The following TBX15 variants were observed in gnomAD, a reference collection of about 807,000 sequenced individuals.
TBX15 encodes T-box transcription factor 15, also known as T-box transcription factor TBX15.
A neutral mutation model predicts 53.9 loss-of-function variants in TBX15; 18 were observed. The observed-to-expected ratio is 0.33, with a 90% CI of 0.23 to 0.49. The LOEUF is 0.49. TBX15 is among the 20% of genes least tolerant of loss of function. The pLI is 0.98. For synonymous variants in TBX15, 295 were observed against 278.0 expected (o/e 1.06, Z -0.61); for missense variants, 692 against 749.5 (o/e 0.92, Z 0.90).
At chr1:118,958,617 A>C (rs1175329480) in intron 1 of TBX15, among the ~76,000 whole-genome samples, 1 of 152,122 alleles carries the variant, frequency 6.6e-6, no homozygotes, top group Non-Finnish European at 1.5e-5. Context: ...CTACCCTAAC[A>C]AACACAGTCT....
At chr1:118,950,767 C>T (rs1412878521) in intron 1 of TBX15, among the ~76,000 whole-genome samples, 1 of 152,070 alleles carries the variant, frequency 6.6e-6, no homozygotes, top group Non-Finnish European at 1.5e-5. Flanking sequence ...TTTCAAAGAC[C>T]ATCACAAAAA....
chr1:118,908,920 TCACACACACA>T (rs113048062), intron 6 of TBX15, among the ~76,000 whole-genome samples: 2 of 149,260 alleles, frequency 1.3e-5, no homozygotes, highest in Non-Finnish European at 3.0e-5. Context: ...CACTCAACAT[TCACACACACA>T]CACACACACA....
intron 5 of TBX15, among the ~76,000 whole-genome samples, chr1:118,922,097 G>A (rs1486346026): frequency 1.3e-5 from 2 of 152,162 alleles, no homozygotes; most frequent in East Asian, 1.9e-4. Context: ...CGCAGCCAAA[G>A]GGAATGTTAA....
chr1:118,943,895 G>C (rs12138613), intron 1 of TBX15, among the ~76,000 whole-genome samples: 19,540 of 152,110 alleles, frequency 0.13, 1,785 homozygotes, highest in Non-Finnish European at 0.18. Flanking sequence ...AACATGCCCA[G>C]TGCCACCCAC....
intron 1 of TBX15, among the ~76,000 whole-genome samples, chr1:118,980,935 C>A (rs1171081250): frequency 6.6e-6 from 1 of 151,990 alleles, no homozygotes; most frequent in Non-Finnish European, 1.5e-5. Context: ...CTGGTTCAAG[C>A]GATTCTCCTG....
intron 1 of TBX15, among the ~76,000 whole-genome samples, chr1:118,941,015 G>T (rs1372285413): frequency 6.6e-6 from 1 of 152,098 alleles, no homozygotes; most frequent in Non-Finnish European, 1.5e-5. Flanking sequence ...CCAATTTCAG[G>T]TGAGCAGCTA....
At chr1:118,913,038 A>T (rs1487490543) in intron 6 of TBX15, among the ~76,000 whole-genome samples, 1 of 152,232 alleles carries the variant, frequency 6.6e-6, no homozygotes, top group East Asian at 1.9e-4. Flanking sequence ...GTGATTCATA[A>T]GTCATTTTGT....
chr1:118,966,155 T>C (rs1217613391), intron 1 of TBX15, among the ~76,000 whole-genome samples: 2 of 152,198 alleles, frequency 1.3e-5, no homozygotes, highest in Non-Finnish European at 2.9e-5. Context: ...CAACACAATC[T>C]TCTCAGGCAC....
intron 6 of TBX15, among the ~76,000 whole-genome samples, chr1:118,899,484 C>G (rs1654545053): frequency 6.6e-6 from 1 of 152,156 alleles, no homozygotes; most frequent in Admixed American, 6.5e-5. Flanking sequence ...GACTGCTTCT[C>G]TAGCACAGAA....
chr1:118,972,666 T>G (rs1657268947), intron 1 of TBX15, among the ~76,000 whole-genome samples: 1 of 152,138 alleles, frequency 6.6e-6, no homozygotes, highest in Non-Finnish European at 1.5e-5. Context: ...CGGCGCAATC[T>G]CAGCTCATTG....
At chr1:118,916,645 C>T (rs1571171491) in intron 5 of TBX15, among the ~76,000 whole-genome samples, 1 of 152,086 alleles carries the variant, frequency 6.6e-6, no homozygotes, top group Non-Finnish European at 1.5e-5. Flanking sequence ...AGATGGATTG[C>T]CTGAGCTCAG....
At chr1:118,898,268 A>G (rs1417652430) in intron 7 of TBX15, among the ~76,000 whole-genome samples, 1 of 152,176 alleles carries the variant, frequency 6.6e-6, no homozygotes, top group Non-Finnish European at 1.5e-5. Flanking sequence ...AATTTAGGTT[A>G]CAAACCTAAT....
At chr1:118,934,176 G>C (rs908147020) in intron 1 of TBX15, among the ~76,000 whole-genome samples, 1 of 152,054 alleles carries the variant, frequency 6.6e-6, no homozygotes, top group Non-Finnish European at 1.5e-5. Flanking sequence ...TTAACCACAG[G>C]GGGGGCCTAG....
At chr1:118,972,096 T>C (rs957613150) in intron 1 of TBX15, among the ~76,000 whole-genome samples, 1 of 152,198 alleles carries the variant, frequency 6.6e-6, no homozygotes, top group African/African-American at 2.4e-5. Context: ...GGGGCTCTTT[T>C]GTGACCACAA....
chr1:118,948,287 C>T (rs550888449), intron 1 of TBX15, among the ~76,000 whole-genome samples: 17 of 152,128 alleles, frequency 1.1e-4, no homozygotes, highest in South Asian at 4.2e-4. Flanking sequence ...CAGTCCACAC[C>T]GAGAGATTGG....
At chr1:118,890,203 C>T (rs1654091601) in intron 7 of TBX15, among the ~76,000 whole-genome samples, 1 of 152,172 alleles carries the variant, frequency 6.6e-6, no homozygotes, top group Non-Finnish European at 1.5e-5. Flanking sequence ...AAAGGCTAAC[C>T]TAACTCTGGT....
chr1:118,898,288 A>C (rs1016562091), intron 7 of TBX15, among the ~76,000 whole-genome samples: 9 of 152,298 alleles, frequency 5.9e-5, no homozygotes, highest in African/African-American at 2.2e-4. Flanking sequence ...TTCAGTGTGC[A>C]AAATGTTAGA....
At chr1:118,925,529 A>G (rs548646569) in intron 3 of TBX15, among the ~76,000 whole-genome samples, 1 of 152,332 alleles carries the variant, frequency 6.6e-6, no homozygotes, top group East Asian at 1.9e-4. Flanking sequence ...GTAGCAAAGG[A>G]AGTCAGTTTT....
At chr1:118,909,996 C>T (rs1262508801) in intron 6 of TBX15, among the ~76,000 whole-genome samples, 1 of 152,162 alleles carries the variant, frequency 6.6e-6, no homozygotes, top group Admixed American at 6.5e-5. Context: ...GGGGGCTACA[C>T]TCGGATGGTT....
Sources: gnomAD v4.1 joint callset for allele counts (sites outside exome capture counted in the v4.1 genomes callset) on GRCh38, gnomAD v4.1.1 for gene constraint, MANE v1.5 for transcripts, NCBI Gene and HGNC (gene_info 2026-07-23, HGNC 2026-07-21) for gene names.